The following MYO18B variants were observed in gnomAD, a reference collection of about 807,000 sequenced individuals.
The protein encoded by MYO18B is unconventional myosin-XVIIIb.
MYO18B carries 204 observed loss-of-function variants against 273.0 expected under a neutral mutation model. The ratio of observed to expected loss-of-function variants is 0.75; its 90% CI spans 0.67 to 0.84. The LOEUF is 0.84. Ranked by LOEUF, MYO18B falls within the 40% of genes least tolerant of loss-of-function variation. The pLI, the probability that MYO18B is intolerant of heterozygous loss-of-function variation, is 0.00. For synonymous variants in MYO18B, 1,330 were observed against 1,305.7 expected (o/e 1.02, Z -0.40); for missense variants, 3,212 against 3,287.6 (o/e 0.98, Z 0.56).
Position 25,955,219 on chromosome 22 carries a change from G to A in MYO18B, c.6011G>A (p.Gly2004Glu), listed in dbSNP as rs780057494. Residue 2004 changes from glycine (G) to glutamate (E), a missense_variant, in exon 39 of 44, where the codon GGG becomes GAG. Gly to Glu is a moderately conservative substitution (Grantham distance 98, BLOSUM62 -2). Transcript: ENST00000335473. The part of the protein sequence containing the change: ...IRLRDSLIKM[G>E]EELSQAATSE... ...CTTCGGGACAGCCTGATCAAGATGG[G>A]GGAGGAGCTTTCACAGGCGGCCACC... The A allele has an allele frequency of 2.5e-6, 4 of 1,613,170 alleles. No homozygotes were observed. The highest frequency in any genetic ancestry group is 3.4e-6 in the Non-Finnish European group (4 of 1,179,624).
At position 25,950,142 on chromosome 22, in the gene MYO18B, A is replaced by G. The variant is rs6004851; in HGVS notation, c.5749-225A>G. On this transcript the variant is annotated intron_variant, in intron 36 of 43. Coordinates refer to ENST00000335473, the MANE Select transcript of MYO18B (RefSeq NM_032608.7). ...TATATAATAAAATGCTGGACAGTGGACCAAATCCAGGGGCTTATATAATTG... is the reference window on the plus strand; with the variant it reads ...TATATAATAAAATGCTGGACAGTGGGCCAAATCCAGGGGCTTATATAATTG... Among the ~76,000 whole-genome samples the G allele has an allele frequency of 0.18, 27,698 of 152,058 alleles. 2,625 individuals are homozygous for G. The highest frequency in any genetic ancestry group is 0.26 in the East Asian group (1,342 of 5,152).
intron 39 of MYO18B, among the ~76,000 whole-genome samples, chr22:25,958,565 A>G (rs73154143): frequency 0.01 from 1,566 of 152,248 alleles, 15 homozygotes; most frequent in Non-Finnish European, 0.018. Flanking sequence ...ACAAATACCT[A>G]TTCAACACCA....
chr22:25,827,740 G>A (rs1175815056), intron 14 of MYO18B, among the ~76,000 whole-genome samples: 2 of 152,202 alleles, frequency 1.3e-5, no homozygotes, highest in Non-Finnish European at 2.9e-5. Flanking sequence ...TGCGTGCTTA[G>A]AGAGGGAGTA....
intron 11 of MYO18B, among the ~76,000 whole-genome samples, chr22:25,796,128 C>T (rs567727217): frequency 4.5e-4 from 68 of 152,258 alleles, no homozygotes; most frequent in African/African-American, 1.5e-3. Flanking sequence ...TCCTTTCCAC[C>T]CAGCAGGCTT....
chr22:25,805,970 A>T (rs924954577), intron 12 of MYO18B, among the ~76,000 whole-genome samples: 33 of 151,904 alleles, frequency 2.2e-4, no homozygotes, highest in African/African-American at 7.5e-4. Context: ...TTTATTTTTC[A>T]TGTGGGACGA....
rs2087341927 is a variant in MYO18B at position 25,785,444 on chromosome 22, C to T, written c.2329C>T (p.His777Tyr). ...TGCTTCCAGGACGGAGCTGAACCTG[C>T]ACCAGATGGCAGATAGCAGCTCCTT... ...DLDLRTELNL[H>Y]QMADSSSFGM... The change falls in exon 11 of 44, where the codon CAC (histidine) becomes TAC (tyrosine). Residue 777 changes from histidine to tyrosine, a missense_variant. Physicochemically the swap from His to Tyr is moderately conservative, Grantham distance 83. Transcript: ENST00000335473. The T allele has an allele frequency of 2.5e-6, 4 of 1,611,120 alleles. No individual in the cohort carries two copies. The highest frequency in any genetic ancestry group is 2.2e-5 in the East Asian group (1 of 44,812).
At chr22:25,914,433 T>C (rs1316623089) in intron 33 of MYO18B, among the ~76,000 whole-genome samples, 1 of 152,102 alleles carries the variant, frequency 6.6e-6, no homozygotes, top group African/African-American at 2.4e-5. Flanking sequence ...ATACAGATCT[T>C]GGACTTTTTT....
chr22:25,817,913 G>A (rs2089108201), intron 12 of MYO18B, among the ~76,000 whole-genome samples: 1 of 152,170 alleles, frequency 6.6e-6, no homozygotes, highest in Non-Finnish European at 1.5e-5. Context: ...TGTGTGGCCG[G>A]CCACTCTGCC....
intron 33 of MYO18B, among the ~76,000 whole-genome samples, chr22:25,917,471 A>C (rs557672473): frequency 2.5e-4 from 37 of 148,656 alleles, no homozygotes; most frequent in Middle Eastern, 3.5e-3. Flanking sequence ...GTTTTGCCTT[A>C]TTTTATTTCG....
Position 25,868,307 on chromosome 22 carries a change from AT to A in MYO18B, c.3886-7del. On this transcript the variant is annotated splice_polypyrimidine_tract_variant and intron_variant, in intron 21 of 43. Transcript: ENST00000335473. Reference sequence around the variant, plus strand: ...TTCTATGCTGTCTAACTTCTCTCTAATTTTTTCCCCAGGCCGTGGAGGAGCT... The same window carrying A: ...TTCTATGCTGTCTAACTTCTCTCTAATTTTTCCCCAGGCCGTGGAGGAGCT... 2 of 1,593,034 alleles carry A rather than the reference AT, an allele frequency of 1.3e-6. No homozygotes were observed. The highest frequency in any genetic ancestry group is 1.3e-5 in the African/African-American group (1 of 74,568).
chr22:25,753,430 G>C (rs2086006336), intron 1 of MYO18B, among the ~76,000 whole-genome samples: 1 of 152,186 alleles, frequency 6.6e-6, no homozygotes, highest in Admixed American at 6.5e-5. Context: ...GGACCAATCA[G>C]CTCTCTGTAA....
chr22:25,929,904 C>G (rs1214209775), intron 34 of MYO18B, among the ~76,000 whole-genome samples: 1 of 152,154 alleles, frequency 6.6e-6, no homozygotes, highest in Non-Finnish European at 1.5e-5. Context: ...AAAGTCGGTT[C>G]TTTGTGTGTT....
At chr22:25,756,959 G>C (rs763836038) in intron 1 of MYO18B, among the ~76,000 whole-genome samples, 4 of 152,192 alleles carry the variant, frequency 2.6e-5, no homozygotes, top group Non-Finnish European at 4.4e-5. Flanking sequence ...TACTCAGGAG[G>C]CTGAGACAGG....
At chr22:25,792,513 T>TTTTTTG (rs1555893161) in intron 11 of MYO18B, among the ~76,000 whole-genome samples, 38 of 145,486 alleles carry the variant, frequency 2.6e-4, no homozygotes, top group Non-Finnish European at 4.2e-4. Flanking sequence ...TTTTTTTTTT[T>TTTTTTG]GAGACAGAGT....
chr22:25,762,359 C>G (rs2086352610), intron 2 of MYO18B, among the ~76,000 whole-genome samples: 1 of 152,252 alleles, frequency 6.6e-6, no homozygotes, highest in African/African-American at 2.4e-5. Context: ...CACAGAGGTT[C>G]TTGATAAGGA....
At chr22:25,996,196 T>C (rs531388199) in intron 40 of MYO18B, among the ~76,000 whole-genome samples, 1 of 152,308 alleles carries the variant, frequency 6.6e-6, no homozygotes, top group South Asian at 2.1e-4. Flanking sequence ...GAGTCTAAGA[T>C]GGGTTAATAA....
chr22:25,906,205 A>G (rs1053160049), intron 31 of MYO18B, among the ~76,000 whole-genome samples: 2 of 152,188 alleles, frequency 1.3e-5, no homozygotes, highest in Admixed American at 1.3e-4. Context: ...CACTTTTTCC[A>G]GGGAATTTTA....
At chr22:25,833,073 C>A in intron 16 of MYO18B, 76 bp downstream of exon 16, 1 of 1,390,230 alleles carries the variant, frequency 7.2e-7, no homozygotes, top group Non-Finnish European at 1.0e-6. Context: ...TTTGAGTCTT[C>A]AGTCTACTAG....
At position 26,031,022 on chromosome 22, in the gene MYO18B, A is replaced by G. The variant is rs1936649778; in HGVS notation, c.*592A>G. The G allele has an allele frequency of 2.5e-6, 1 of 398,396 alleles. No homozygotes were observed. Among genetic ancestry groups the G allele is most frequent in the Admixed American group, 4.4e-5 (1 of 22,738 alleles). 24.7% of individuals were successfully genotyped at this position (398,396 alleles called of 1,614,324 possible). ...AATGAATGAATGAGCCAAAGAACAA[A>G]TAAATGAGCCCACACACCCTGAACG... On this transcript the variant is annotated 3_prime_UTR_variant, in exon 44 of 44. Transcript: ENST00000335473.
Sources: gnomAD v4.1 joint callset for allele counts (sites outside exome capture counted in the v4.1 genomes callset) on GRCh38, gnomAD v4.1.1 for gene constraint, MANE v1.5 for transcripts, NCBI Gene and HGNC (gene_info 2026-07-23, HGNC 2026-07-21) for gene names.